FGF14: variants seen among roughly 807,000 people sequenced by gnomAD.
FGF14 encodes the protein fibroblast growth factor homologous factor 4.
A neutral mutation model predicts 25.5 loss-of-function variants in FGF14; 5 were observed. The observed-to-expected ratio is 0.20, with a 90% CI of 0.10 to 0.41. FGF14 has a LOEUF of 0.41. Ranked by LOEUF, FGF14 falls within the 10% of genes least tolerant of loss-of-function variation. FGF14 has a pLI of 1.00. For missense variants in FGF14, 222 were observed against 320.1 expected (o/e 0.69, Z 2.34); for synonymous variants, 138 against 118.3 (o/e 1.17, Z -1.08).
intron 1 of FGF14, among the ~76,000 whole-genome samples, chr13:102,070,889 T>A (rs1480734117): frequency 6.6e-6 from 1 of 152,162 alleles, no homozygotes; most frequent in East Asian, 1.9e-4. Context: ...CAACAAAGGT[T>A]AAGTCCAGTT....
intron 3 of FGF14, among the ~76,000 whole-genome samples, chr13:101,803,394 T>G (rs61966788): frequency 1.2e-4 from 18 of 152,144 alleles, no homozygotes; most frequent in Non-Finnish European, 2.5e-4. Context: ...CCTCCCAAAG[T>G]GCTGGGATTA....
intron 3 of FGF14, among the ~76,000 whole-genome samples, chr13:101,835,842 A>C (rs1347039367): frequency 6.6e-6 from 1 of 152,004 alleles, no homozygotes; most frequent in Non-Finnish European, 1.5e-5. Context: ...AAACTTGAGA[A>C]AGCTTAAGAT....
At chr13:102,111,569 AGC>A (rs1555359861) in intron 1 of FGF14, among the ~76,000 whole-genome samples, 1 of 152,092 alleles carries the variant, frequency 6.6e-6, no homozygotes, top group Non-Finnish European at 1.5e-5. Context: ...TACAAAAATT[AGC>A]CGGGTGTAGT....
At chr13:102,395,821 T>G (rs2058567913) in intron 1 of FGF14, 1 of 152,246 alleles carries the variant, frequency 6.6e-6, no homozygotes, top group African/African-American at 2.4e-5. Flanking sequence ...AGAACTTCAC[T>G]GTTCCCTATA....
chr13:101,730,046 T>C (rs1346068996), intron 3 of FGF14, among the ~76,000 whole-genome samples: 1 of 152,164 alleles, frequency 6.6e-6, no homozygotes, highest in African/African-American at 2.4e-5. Flanking sequence ...ATGTTGTAGA[T>C]GGGAAGATAG....
At chr13:102,350,191 G>A (rs2057234331) in intron 1 of FGF14, among the ~76,000 whole-genome samples, 3 of 152,000 alleles carry the variant, frequency 2.0e-5, no homozygotes, top group African/African-American at 7.3e-5. Flanking sequence ...AACATAGTAA[G>A]ACCTCCGTCT....
At chr13:102,294,793 C>T (rs1184377394) in intron 1 of FGF14, among the ~76,000 whole-genome samples, 1 of 152,140 alleles carries the variant, frequency 6.6e-6, no homozygotes, top group Non-Finnish European at 1.5e-5. Flanking sequence ...GTTCTGGCTC[C>T]CTCAGAACCA....
At chr13:101,972,032 A>C (rs2037627504) in intron 1 of FGF14, among the ~76,000 whole-genome samples, 1 of 152,380 alleles carries the variant, frequency 6.6e-6, no homozygotes, top group South Asian at 2.1e-4. Context: ...ACTTTTAAAC[A>C]TATACTGGGA....
At chr13:102,075,885 A>G (rs564229276) in intron 1 of FGF14, among the ~76,000 whole-genome samples, 1 of 152,320 alleles carries the variant, frequency 6.6e-6, no homozygotes, top group South Asian at 2.1e-4. Context: ...AAAAACATTT[A>G]AAAAGTAAAA....
At chr13:102,326,593 A>T (rs1055665182) in intron 1 of FGF14, among the ~76,000 whole-genome samples, 6 of 150,762 alleles carry the variant, frequency 4.0e-5, no homozygotes, top group African/African-American at 1.5e-4. Context: ...TGCACACAAG[A>T]AAATAGCTCA....
intron 1 of FGF14, among the ~76,000 whole-genome samples, chr13:102,138,983 C>T (rs1173754279): frequency 6.6e-6 from 1 of 152,212 alleles, no homozygotes; most frequent in Non-Finnish European, 1.5e-5. Context: ...TCACTATGCA[C>T]ATTTTAAAGC....
chr13:101,819,714 A>G (rs368140141), intron 3 of FGF14, among the ~76,000 whole-genome samples: 1 of 152,218 alleles, frequency 6.6e-6, no homozygotes, highest in East Asian at 1.9e-4. Context: ...ATTCATTCCC[A>G]AAGTTATTAT....
chr13:102,042,157 T>C (rs552691940), intron 1 of FGF14, among the ~76,000 whole-genome samples: 5 of 152,184 alleles, frequency 3.3e-5, no homozygotes, highest in Non-Finnish European at 7.4e-5. Flanking sequence ...TAGCACATGA[T>C]AGGAACTCCT....
At chr13:102,354,686 T>C (rs945830007) in intron 1 of FGF14, among the ~76,000 whole-genome samples, 1 of 152,202 alleles carries the variant, frequency 6.6e-6, no homozygotes, top group African/African-American at 2.4e-5. Flanking sequence ...GTCATGGGTG[T>C]GTCTTTAACC....
At position 102,400,690 on chromosome 13, in the gene FGF14, G is replaced by A. The variant is rs1406400708; in HGVS notation, c.208+781C>T. Among the ~76,000 whole-genome samples the A allele has an allele frequency of 3.3e-5, 5 of 152,228 alleles. No individual in the cohort carries two copies. In the East Asian group the frequency reaches 9.6e-4, roughly 29 times the overall value. On this transcript the variant is annotated intron_variant, in intron 1 of 4. Transcript: ENST00000376131. The surrounding 1 kb of genome is among the most constrained non-coding windows in gnomAD (Gnocchi z 4.3). ...AATCGGGGCGCATGATCACCAGTAG[G>A]CTTAAAAGCAGGAACTCACGGCCTG...
intron 1 of FGF14, among the ~76,000 whole-genome samples, chr13:102,102,157 T>C (rs892323715): frequency 6.6e-6 from 1 of 152,218 alleles, no homozygotes; most frequent in Non-Finnish European, 1.5e-5. Context: ...TGATCATATA[T>C]GTATCAGGCA....
intron 1 of FGF14, among the ~76,000 whole-genome samples, chr13:102,137,203 T>C (rs2046449924): frequency 6.6e-6 from 1 of 152,204 alleles, no homozygotes; most frequent in Non-Finnish European, 1.5e-5. Context: ...AATATATTCA[T>C]GCTGAAGCAA....
At chr13:101,725,902 TAAAA>T (rs997505250) in intron 4 of FGF14, among the ~76,000 whole-genome samples, 10 of 152,056 alleles carry the variant, frequency 6.6e-5, no homozygotes, top group Non-Finnish European at 1.0e-4. Context: ...GTTGATTAAT[TAAAA>T]AAACTTTGTA....
intron 1 of FGF14, among the ~76,000 whole-genome samples, chr13:102,123,007 C>T (rs1382259397): frequency 1.3e-5 from 2 of 152,162 alleles, no homozygotes; most frequent in Non-Finnish European, 2.9e-5. Flanking sequence ...TGACCAGACA[C>T]ATCGAGCAAT....
Sources: allele counts gnomAD v4.1 joint callset (sites outside exome capture counted in the v4.1 genomes callset), GRCh38; gene constraint gnomAD v4.1.1; non-coding constraint Gnocchi (gnomAD v3.1); transcripts MANE v1.5; gene names NCBI Gene and HGNC (gene_info 2026-07-23, HGNC 2026-07-21).